Variants in PELI2 observed in about 807,000 individuals in gnomAD.
PELI2 encodes pellino E3 ubiquitin protein ligase family member 2.
A neutral mutation model predicts 42.3 loss-of-function variants in PELI2; 23 were observed. The observed-to-expected ratio is 0.54, with a 90% confidence interval of 0.39 to 0.77. The LOEUF (loss-of-function observed/expected upper bound fraction) is 0.77, where lower values mean the gene tolerates loss of function less well. PELI2 is among the 30% of genes least tolerant of loss of function. PELI2 has a pLI of 0.00. For synonymous variants in PELI2, 245 were observed against 212.2 expected (o/e 1.15, Z -1.34); for missense variants, 463 against 553.2 (o/e 0.84, Z 1.64).
At chr14:56,214,713 T>C (rs1467482420) in intron 2 of PELI2, among the ~76,000 whole-genome samples, 1 of 152,108 alleles carries the variant, frequency 6.6e-6, no homozygotes, top group Non-Finnish European at 1.5e-5. Flanking sequence ...TGGAATACTG[T>C]ATAGGTGTTT....
intron 2 of PELI2, among the ~76,000 whole-genome samples, chr14:56,257,425 G>A (rs1219045403): frequency 1.3e-5 from 2 of 152,106 alleles, no homozygotes; most frequent in Non-Finnish European, 2.9e-5. Flanking sequence ...AGCATAATTC[G>A]ATGGTGAATT....
rs1360057436 is a variant in PELI2 at position 56,180,251 on chromosome 14, T to G, written c.207+1787T>G. On this transcript the variant is annotated intron_variant, in intron 2 of 5. Transcript: ENST00000267460. The surrounding 1 kb of genome is among the most constrained non-coding windows in gnomAD (Gnocchi z 4.4). Reference sequence around the variant, plus strand: ...GGGCCTCAGTTTACTCATTAGAAACTGAGTAAATTGGCTTCAAGCAGGAGC... The same window carrying G: ...GGGCCTCAGTTTACTCATTAGAAACGGAGTAAATTGGCTTCAAGCAGGAGC... Among the ~76,000 whole-genome samples, 1 of 152,132 alleles carries G rather than the reference T, an allele frequency of 6.6e-6. No individual in the cohort carries two copies. The highest frequency in any genetic ancestry group is 1.5e-5 in the Non-Finnish European group (1 of 68,028).
chr14:56,211,235 G>A (rs1444210482), intron 2 of PELI2, among the ~76,000 whole-genome samples: 2 of 150,794 alleles, frequency 1.3e-5, no homozygotes, highest in East Asian at 3.9e-4. Context: ...GCCAGTTACT[G>A]TGAATGCCCC....
intron 2 of PELI2, among the ~76,000 whole-genome samples, chr14:56,275,141 AAAAT>A (rs1307058428): frequency 1.3e-5 from 2 of 152,166 alleles, no homozygotes; most frequent in Non-Finnish European, 2.9e-5. Flanking sequence ...CTGGGGTGGA[AAAAT>A]AAATAAGACT....
At chr14:56,254,396 CAAA>C (rs34029214) in intron 2 of PELI2, among the ~76,000 whole-genome samples, 1 of 137,202 alleles carries the variant, frequency 7.3e-6, no homozygotes, top group African/African-American at 2.7e-5. Context: ...GACTCCATCT[CAAA>C]AAAAAAAAAA....
At chr14:56,196,086 A>G (rs749429469) in intron 2 of PELI2, among the ~76,000 whole-genome samples, 41 of 152,226 alleles carry the variant, frequency 2.7e-4, no homozygotes, top group Non-Finnish European at 5.3e-4. Flanking sequence ...AAATGTTATG[A>G]CTGTGATTTT....
In PELI2 at chr14:56,279,765, G is replaced by A. The variant is rs765747721; in HGVS notation, c.297G>A (p.Thr99=). 9 of 1,553,132 alleles carry A rather than the reference G, an allele frequency of 5.8e-6. No individual in the cohort carries two copies. Among genetic ancestry groups the A allele is most frequent in the Admixed American group, 3.4e-5 (2 of 58,742 alleles). ...VVVEYTHDKD[T]DMFQVGRSTE... is the part of the protein sequence containing the mutation. ...TGGAGTACACACATGATAAGGATAC[G>A]GATATGTTTCAGGTAATATTTTTCT... Residue 99 remains threonine (T), a synonymous_variant, in exon 3 of 6, where the codon ACG becomes ACA. Coordinates refer to ENST00000267460, the MANE Select transcript of PELI2 (RefSeq NM_021255.3).
At chr14:56,274,174 A>T (rs1889208463) in intron 2 of PELI2, among the ~76,000 whole-genome samples, 1 of 144,678 alleles carries the variant, frequency 6.9e-6, no homozygotes, top group African/African-American at 2.7e-5. Flanking sequence ...GCTTTTTCGC[A>T]GGAAGCCAGC....
At chr14:56,144,376 A>G (rs1884033108) in intron 1 of PELI2, among the ~76,000 whole-genome samples, 1 of 152,234 alleles carries the variant, frequency 6.6e-6, no homozygotes, top group African/African-American at 2.4e-5. Context: ...ACTCTTGGGC[A>G]TGAGCCAAAG....
chr14:56,172,253 ACT>A (rs1264395282), intron 1 of PELI2, among the ~76,000 whole-genome samples: 1 of 152,096 alleles, frequency 6.6e-6, no homozygotes, highest in Non-Finnish European at 1.5e-5. Context: ...TGATGGCTTC[ACT>A]CATGTCTGCT....
intron 1 of PELI2, among the ~76,000 whole-genome samples, chr14:56,160,811 CTG>C (rs1300392845): frequency 6.6e-6 from 1 of 152,100 alleles, no homozygotes; most frequent in Non-Finnish European, 1.5e-5. Flanking sequence ...GAATTTGTAA[CTG>C]TGTTACTATC....
intron 2 of PELI2, among the ~76,000 whole-genome samples, chr14:56,222,949 A>G (rs1227397155): frequency 6.6e-6 from 1 of 152,218 alleles, no homozygotes; most frequent in African/African-American, 2.4e-5. Flanking sequence ...AGAAGGGAAC[A>G]CGTACAGGAC....
At chr14:56,247,593 A>AT (rs1180581939) in intron 2 of PELI2, among the ~76,000 whole-genome samples, 3 of 152,156 alleles carry the variant, frequency 2.0e-5, no homozygotes, top group Non-Finnish European at 4.4e-5. Context: ...TGTCTTTGGT[A>AT]TTGCTTCATT....
chr14:56,286,137 C>T (rs951002334), intron 3 of PELI2, among the ~76,000 whole-genome samples: 9 of 152,168 alleles, frequency 5.9e-5, no homozygotes, highest in African/African-American at 1.7e-4. Flanking sequence ...AGCTCCAGAA[C>T]GTGTGTGAAA....
chr14:56,241,522 A>G (rs1401341748), intron 2 of PELI2, among the ~76,000 whole-genome samples: 1 of 152,156 alleles, frequency 6.6e-6, no homozygotes, highest in African/African-American at 2.4e-5. Context: ...ACCAGAGGAC[A>G]GGCTGTGTCC....
intron 1 of PELI2, among the ~76,000 whole-genome samples, chr14:56,169,461 C>G (rs1885091291): frequency 2.0e-5 from 3 of 152,210 alleles, no homozygotes; most frequent in Non-Finnish European, 2.9e-5. Flanking sequence ...TCCTTTTGCT[C>G]TAACAGAACA....
intron 1 of PELI2, among the ~76,000 whole-genome samples, chr14:56,145,316 G>A (rs1324081201): frequency 6.6e-6 from 1 of 152,154 alleles, no homozygotes; most frequent in African/African-American, 2.4e-5. Flanking sequence ...CCACCCCCAT[G>A]ATCCAGTCAC....
At chr14:56,140,975 C>T (rs1274094919) in intron 1 of PELI2, among the ~76,000 whole-genome samples, 10 of 152,116 alleles carry the variant, frequency 6.6e-5, no homozygotes, top group East Asian at 1.9e-4. Flanking sequence ...TTTTTCCCCT[C>T]GTACTCTATT....
rs1890125648 is a variant in PELI2, at chr14:56,300,004, C to G, written c.*2838C>G. 7 of 152,636 alleles carry G rather than the reference C, an allele frequency of 4.6e-5. No individual in the cohort carries two copies. In the South Asian group the frequency reaches 1.4e-3, roughly 32 times the overall value. The allele number at this position is 152,636 out of a possible 1,614,324, so 9.5% of individuals were successfully genotyped here. A position where few individuals can be genotyped will look rare whatever the true frequency, so the allele number is the denominator to read the frequency against. ...CTGCCGGGTCATGCATGCTGCAACT[C>G]TCAACATTTCCCTTATTTGGTTCAG... On this transcript the variant is annotated 3_prime_UTR_variant, in exon 6 of 6. Transcript: ENST00000267460.
Sources: allele counts gnomAD v4.1 joint callset (sites outside exome capture counted in the v4.1 genomes callset), GRCh38; gene constraint gnomAD v4.1.1; non-coding constraint Gnocchi (gnomAD v3.1); transcripts MANE v1.5; gene names NCBI Gene and HGNC (gene_info 2026-07-23, HGNC 2026-07-21).